Variants in USP49 observed in about 807,000 individuals in gnomAD.
The protein encoded by USP49 is ubiquitin specific peptidase 49.
A neutral mutation model predicts 58.6 loss-of-function variants in USP49; 24 were observed. That is an observed-to-expected ratio of 0.41 (90% CI 0.30 to 0.58). The LOEUF is 0.58. Ranked by LOEUF, USP49 falls within the 20% of genes least tolerant of loss-of-function variation. USP49 has a pLI of 0.30. For synonymous variants in USP49, 408 were observed against 365.1 expected, an observed-to-expected ratio of 1.12 and a Z score of -1.34; for missense variants, 703 against 866.1, an observed-to-expected ratio of 0.81 and a Z score of 2.36.
In USP49 at chr6:41,877,593, C is replaced by T. The variant is rs867464493; in HGVS notation, c.-102-5956G>A. ...TTTTTTTTTTTTTTTGAGACAGTCT[C>T]GCTCTGTTGCCCAGGCTAGAGGGTA... On this transcript the variant is annotated intron_variant, in intron 2 of 7. Transcript: ENST00000682992. Among the ~76,000 whole-genome samples, 13 of 148,122 alleles carry T rather than the reference C, an allele frequency of 8.8e-5. 1 individual carries two copies. In the South Asian group the frequency reaches 1.5e-3, roughly 17 times the overall value.
At chr6:41,859,136 C>T (rs1462429419) in intron 3 of USP49, among the ~76,000 whole-genome samples, 1 of 152,194 alleles carries the variant, frequency 6.6e-6, no homozygotes, top group African/African-American at 2.4e-5. Context: ...GTCATTCTCA[C>T]TGCCTTGGGG....
intron 3 of USP49, among the ~76,000 whole-genome samples, chr6:41,831,887 T>C (rs1052152899): frequency 6.6e-6 from 1 of 152,194 alleles, no homozygotes; most frequent in African/African-American, 2.4e-5. Flanking sequence ...CTACTCACTA[T>C]TTCTTCAGAC....
rs546609764 is a variant in USP49 at position 41,831,117 on chromosome 6, C to T, written c.-28-24106G>A. On this transcript the variant is annotated intron_variant, in intron 3 of 7. Transcript: ENST00000682992. Reference sequence around the variant, plus strand: ...ACTAAAAATACAAAAAATTGCCAGGCGCAGTGGCTCACGCCTGTAATACCA... The same window carrying T: ...ACTAAAAATACAAAAAATTGCCAGGTGCAGTGGCTCACGCCTGTAATACCA... Among the ~76,000 whole-genome samples, 10 of 152,088 alleles carry T rather than the reference C, an allele frequency of 6.6e-5. No homozygotes were observed. In the South Asian group the frequency reaches 1.9e-3, roughly 28 times the overall value.
In USP49 at chr6:41,870,140, T is replaced by C. The variant is rs533496480; in HGVS notation, c.-29+1424A>G. Reference sequence around the variant, plus strand: ...ATAAAAAGGCTAACTGGGATACATATGAGAATTATAGTTAACATTTACTAA... The same window carrying C: ...ATAAAAAGGCTAACTGGGATACATACGAGAATTATAGTTAACATTTACTAA... On this transcript the variant is annotated intron_variant, in intron 3 of 7. Coordinates refer to ENST00000682992, the MANE Select transcript of USP49 (RefSeq NM_001286554.2). Among the ~76,000 whole-genome samples, 4 of 152,338 alleles carry C rather than the reference T, an allele frequency of 2.6e-5. No homozygotes were observed. The South Asian group carries it at 8.3e-4, about 32-fold the overall frequency.
At chr6:41,890,914 G>A (rs1434212192) in intron 2 of USP49, among the ~76,000 whole-genome samples, 1 of 152,158 alleles carries the variant, frequency 6.6e-6, no homozygotes, top group Non-Finnish European at 1.5e-5. Flanking sequence ...AAAGGTGGAT[G>A]GGGAATCTGC....
chr6:41,887,951 C>T (rs556024385), intron 2 of USP49, among the ~76,000 whole-genome samples: 2 of 152,048 alleles, frequency 1.3e-5, no homozygotes, highest in East Asian at 3.9e-4. Context: ...GCCCATGTCT[C>T]CGAAACAATA....
rs1030065734 is a variant in USP49 at position 41,793,112 on chromosome 6, A to G, written c.*3421T>C. 1.3e-5 allele frequency: 2 copies of G among 152,262 alleles called. No homozygotes were observed. Among genetic ancestry groups the G allele is most frequent in the Admixed American group, 6.5e-5 (1 of 15,284 alleles). 9.4% of individuals were successfully genotyped at this position (152,262 alleles called of 1,614,324 possible). On this transcript the variant is annotated 3_prime_UTR_variant, in exon 8 of 8. Transcript: ENST00000682992. ...TAAGCACAGCCAGAGTAGCAAACTCATACAATCATTGACTCTAGAAGCCTT... is the reference window on the plus strand; with the variant it reads ...TAAGCACAGCCAGAGTAGCAAACTCGTACAATCATTGACTCTAGAAGCCTT...
rs80321118 is a variant in USP49 at position 41,886,993 on chromosome 6, T to G, written c.-103+4801A>C. On this transcript the variant is annotated intron_variant, in intron 2 of 7. Coordinates refer to ENST00000682992, the MANE Select transcript of USP49 (RefSeq NM_001286554.2). Reference sequence around the variant, plus strand: ...CAAAACAAATTGATCCTTAAAGACTTTATTTCAAAGTCAAAGTTCTTGCTA... The same window carrying G: ...CAAAACAAATTGATCCTTAAAGACTGTATTTCAAAGTCAAAGTTCTTGCTA... 4.1e-4 allele frequency among the ~76,000 whole-genome samples: 63 copies of G among 152,292 alleles called. 2 individuals are homozygous for G. The East Asian group carries it at 0.012, about 28-fold the overall frequency.
In USP49 at chr6:41,802,459, TATTTA is replaced by T. The variant is rs1363245094; in HGVS notation, c.1561+1342_1561+1346del. 1.1e-3 allele frequency among the ~76,000 whole-genome samples: 108 copies of T among 97,528 alleles called. 7 individuals are homozygous for T. Among genetic ancestry groups the T allele is most frequent in the Non-Finnish European group, 1.6e-3 (82 of 51,280 alleles). 64.0% of individuals were successfully genotyped at this position (97,528 alleles called of 152,430 possible). On this transcript the variant is annotated intron_variant, in intron 5 of 7. Transcript: ENST00000682992. Reference sequence around the variant, plus strand: ...TTATTTATTTATTTATTTATTTATTTATTTATTTATTTTTTATTTATTTTTTTTTT... The same window carrying T: ...TTATTTATTTATTTATTTATTTATTTTTTATTTTTTATTTATTTTTTTTTT...
At chr6:41,805,496 G>T in intron 4 of USP49, 132 bp downstream of exon 4, 1 of 976,128 alleles carries the variant, frequency 1.0e-6, no homozygotes, top group Non-Finnish European at 1.5e-6. Context: ...AAGGTATAAT[G>T]GCCACCCTCC....
At chr6:41,818,144 T>A (rs536360332) in intron 3 of USP49, among the ~76,000 whole-genome samples, 255 of 152,292 alleles carry the variant, frequency 1.7e-3, no homozygotes, top group African/African-American at 5.8e-3. Flanking sequence ...AGATGCCACC[T>A]GTGGTACAAA....
chr6:41,800,764 C>T (rs1772983173), intron 5 of USP49, among the ~76,000 whole-genome samples: 1 of 152,212 alleles, frequency 6.6e-6, no homozygotes, highest in Non-Finnish European at 1.5e-5. Context: ...GATAAGATTA[C>T]TAAATGATAG....
chr6:41,802,455 TATTTA>T (rs1773028807), intron 5 of USP49, among the ~76,000 whole-genome samples: 13 of 94,984 alleles, frequency 1.4e-4, no homozygotes, highest in South Asian at 3.3e-4. Flanking sequence ...TTTATTTATT[TATTTA>T]TTTATTTATT....
rs141799333 is a variant in USP49, at chr6:41,866,199, G to A, written c.-29+5365C>T. Reference sequence around the variant, plus strand: ...CCTCCCAAAGTGCTGGTATACAGGCGTTAGCCACTGCACCCGGCCCTGCAT... The same window carrying A: ...CCTCCCAAAGTGCTGGTATACAGGCATTAGCCACTGCACCCGGCCCTGCAT... On this transcript the variant is annotated intron_variant, in intron 3 of 7. Transcript: ENST00000682992. Among the ~76,000 whole-genome samples the A allele has an allele frequency of 4.0e-5, 6 of 151,664 alleles. No homozygotes were observed. In the South Asian group the frequency reaches 6.3e-4, roughly 16 times the overall value.
intron 3 of USP49, among the ~76,000 whole-genome samples, chr6:41,859,406 A>G (rs1774181741): frequency 6.6e-6 from 1 of 151,982 alleles, no homozygotes; most frequent in South Asian, 2.1e-4. Flanking sequence ...TGGTATAGTC[A>G]CTCCTTCCTC....
intron 3 of USP49, among the ~76,000 whole-genome samples, chr6:41,817,211 C>T (rs1318394045): frequency 2.9e-5 from 4 of 136,592 alleles, no homozygotes; most frequent in Non-Finnish European, 4.6e-5. Context: ...TGCAGTGGCG[C>T]GATCTCACTT....
chr6:41,825,140 C>T (rs560428168), intron 3 of USP49, among the ~76,000 whole-genome samples: 39 of 152,320 alleles, frequency 2.6e-4, no homozygotes, highest in African/African-American at 9.4e-4. Context: ...TTTAAAATAT[C>T]AACCTCCTGG....
At chr6:41,891,632 A>G (rs1217098235) in intron 2 of USP49, among the ~76,000 whole-genome samples, 162 bp downstream of exon 2, 6 of 151,896 alleles carry the variant, frequency 4.0e-5, no homozygotes, top group African/African-American at 1.5e-4. Flanking sequence ...AGAATGGGGC[A>G]AGAGGAAACA....
intron 3 of USP49, among the ~76,000 whole-genome samples, chr6:41,863,589 T>C (rs1165764142): frequency 6.6e-6 from 1 of 152,214 alleles, no homozygotes; most frequent in Non-Finnish European, 1.5e-5. Flanking sequence ...AGCTAGGCAC[T>C]GTATAAGTTA....
Sources: allele counts gnomAD v4.1 joint callset (sites outside exome capture counted in the v4.1 genomes callset), GRCh38; gene constraint gnomAD v4.1.1; transcripts MANE v1.5; gene names NCBI Gene and HGNC (gene_info 2026-07-23, HGNC 2026-07-21).